The following OR4D10 variants were observed in gnomAD, a reference collection of about 807,000 sequenced individuals.
OR4D10 encodes olfactory receptor family 4 subfamily D member 10.
For missense variants in OR4D10, 395 were observed against 378.0 expected (o/e 1.04, Z -0.37); for synonymous variants, 188 against 153.2 (o/e 1.23, Z -1.68).
At chr11:59,475,144 A>G (rs570225493) in intron 2 of OR4D10, among the ~76,000 whole-genome samples, 2 of 151,936 alleles carry the variant, frequency 1.3e-5, no homozygotes, top group Admixed American at 6.6e-5. Context: ...AGGCTTTCCT[A>G]TCCTGATTAG....
intron 2 of OR4D10, among the ~76,000 whole-genome samples, chr11:59,476,878 T>C (rs1858913912): frequency 6.6e-6 from 1 of 151,488 alleles, no homozygotes; most frequent in Non-Finnish European, 1.5e-5. Context: ...TTTCAAAACT[T>C]CTGTTGGTTC....
At position 59,478,167 on chromosome 11, in the gene OR4D10, G is replaced by T. The variant is rs778589438; in HGVS notation, c.738G>T (p.Val246=). The T allele has an allele frequency of 1.2e-6, 2 of 1,614,038 alleles. No homozygotes were observed. Among genetic ancestry groups the T allele is most frequent in the Admixed American group, 1.7e-5 (1 of 60,014 alleles). ...CCACCTGCACCTCCCACATCACTGT[G>T]GTGACCCTGCATTTCGTGCCCTGCA... The part of the protein sequence containing the change: ...AISTCTSHIT[V]VTLHFVPCIY... The change falls in exon 3 of 3, where the codon GTG becomes GTT. Residue 246 remains valine (V), a synonymous_variant. Transcript: ENST00000530162.
At position 59,477,462 on chromosome 11, in the gene OR4D10, A is replaced by C. The variant is rs1211153837; in HGVS notation, c.33A>C (p.Glu11Asp). MEMENCTRVK[E>D]FIFLGLTQNR... is the part of the protein sequence containing the mutation. ...TGGAAAACTGCACCAGGGTAAAAGAATTTATTTTCCTTGGCCTGACCCAGA... is the reference window on the plus strand; with the variant it reads ...TGGAAAACTGCACCAGGGTAAAAGACTTTATTTTCCTTGGCCTGACCCAGA... Residue 11 changes from glutamate (E) to aspartate (D), a missense_variant, in exon 3 of 3, where the codon GAA becomes GAC. Transcript: ENST00000530162. The C allele has an allele frequency of 6.3e-7, 1 of 1,588,660 alleles. No homozygotes were observed.
rs775351728 is a variant in OR4D10 at position 59,477,854 on chromosome 11, T to C, written c.425T>C (p.Ile142Thr). 3.5e-5 allele frequency: 57 copies of C among 1,614,042 alleles called. No individual in the cohort carries two copies. The South Asian group carries it at 5.3e-4, about 15-fold the overall frequency. ...ACTATCATGAGTAGAGACCATTGCA[T>C]TGGGCTCACAGTGGCTGCCTGGTTG... ...YATIMSRDHC[I>T]GLTVAAWLGG... The change falls in exon 3 of 3, where the codon ATT becomes ACT. Residue 142 changes from isoleucine to threonine, a missense_variant. Coordinates refer to ENST00000530162, the MANE Select transcript of OR4D10 (RefSeq NM_001004705.2).
At position 59,477,765 on chromosome 11, in the gene OR4D10, A is replaced by T. The variant is rs367584794; in HGVS notation, c.336A>T (p.Val112=). 1.4e-5 allele frequency: 22 copies of T among 1,613,662 alleles called. No homozygotes were observed. In the African/African-American group the frequency reaches 2.7e-4, roughly 20 times the overall value. ...FLFHLIGGVD[V]FSLSVMALDR... Reference sequence around the variant, plus strand: ...TCCACCTTATTGGAGGGGTGGATGTATTTTCTCTTTCGGTGATGGCATTGG... The same window carrying T: ...TCCACCTTATTGGAGGGGTGGATGTTTTTTCTCTTTCGGTGATGGCATTGG... Residue 112 remains valine, a synonymous_variant, in exon 3 of 3, where the codon GTA becomes GTT. Transcript: ENST00000530162.
At position 59,477,599 on chromosome 11, in the gene OR4D10, C is replaced by T. The variant is rs142374527; in HGVS notation, c.170C>T (p.Thr57Met). 1.6e-4 allele frequency: 253 copies of T among 1,614,092 alleles called. No individual in the cohort carries two copies. The African/African-American group carries it at 1.7e-3, about 11-fold the overall frequency. The stretch of plus-strand genomic sequence containing the variant: ...GTTACCTGTGAATCTCGCCTTCACA[C>T]GCCCATGTATTTTTTGCTCCATAAT... ...VTVTCESRLH[T>M]PMYFLLHNLS... Residue 57 changes from threonine (T) to methionine (M), a missense_variant, in exon 3 of 3, where the codon ACG becomes ATG. Thr to Met is a moderately conservative substitution (Grantham distance 81, BLOSUM62 -1). Coordinates refer to ENST00000530162, the MANE Select transcript of OR4D10 (RefSeq NM_001004705.2).
rs758354478 is a variant in OR4D10 at position 59,477,608 on chromosome 11, A to T, written c.179A>T (p.Tyr60Phe). The T allele has an allele frequency of 6.2e-7, 1 of 1,613,864 alleles. No individual in the cohort carries two copies. The highest frequency in any genetic ancestry group is 8.5e-7 in the Non-Finnish European group (1 of 1,179,946). Reference protein sequence around the residue: ...TCESRLHTPMYFLLHNLSIAD... With the variant: ...TCESRLHTPMFFLLHNLSIAD... ...GAATCTCGCCTTCACACGCCCATGT[A>T]TTTTTTGCTCCATAATTTATCTATT... Residue 60 changes from tyrosine to phenylalanine, a missense_variant, in exon 3 of 3, where the codon TAT becomes TTT. Physicochemically the swap from Tyr to Phe is conservative, Grantham distance 22. Transcript: ENST00000530162.
In OR4D10 at chr11:59,478,057, T is replaced by A; in HGVS notation, c.628T>A (p.Trp210Arg). 6.2e-7 allele frequency: 1 copy of A among 1,614,176 alleles called. No homozygotes were observed. Among genetic ancestry groups the A allele is most frequent in the Non-Finnish European group, 8.5e-7 (1 of 1,180,030 alleles). ...ISNNGLLTTL[W>R]FFLLLVSYIV... ...CAACAATGGACTGCTCACCACACTG[T>A]GGTTTTTCCTGCTCCTGGTGTCCTA... The change falls in exon 3 of 3, where the codon TGG becomes AGG. Residue 210 changes from tryptophan (W) to arginine (R), a missense_variant. Coordinates refer to ENST00000530162, the MANE Select transcript of OR4D10 (RefSeq NM_001004705.2).
chr11:59,475,076 A>AAAAAAAAAG (rs58045489), intron 2 of OR4D10, among the ~76,000 whole-genome samples: 1 of 134,918 alleles, frequency 7.4e-6, no homozygotes, highest in Non-Finnish European at 1.6e-5. Context: ...AAAAAAAAAA[A>AAAAAAAAAG]GGAAAAAGAA....
At chr11:59,475,979 T>TATGTTGTAACACATGTA (rs1858902151) in intron 2 of OR4D10, among the ~76,000 whole-genome samples, 2 of 152,222 alleles carry the variant, frequency 1.3e-5, no homozygotes, top group African/African-American at 4.8e-5. Context: ...ACAATGATCA[T>TATGTTGTAACACATGTA]ATGTTGTAAC....
intron 2 of OR4D10, among the ~76,000 whole-genome samples, chr11:59,476,414 C>T (rs775590583): frequency 7.2e-5 from 11 of 152,182 alleles, no homozygotes; most frequent in Non-Finnish European, 1.6e-4. Flanking sequence ...CAGGGTCTCA[C>T]TCTGTCACCC....
At position 59,477,827 on chromosome 11, in the gene OR4D10, CGACT is replaced by C; in HGVS notation, c.399_402del (p.Thr134SerfsTer2). ...GCCATCTCCAAGCCCCTGCACTATG[CGACT>C]ATCATGAGTAGAGACCATTGCATTG... On this transcript the variant is annotated frameshift_variant, in exon 3 of 3. Coordinates refer to ENST00000530162, the MANE Select transcript of OR4D10 (RefSeq NM_001004705.2). LOFTEE classifies it low-confidence loss of function (END_TRUNC). 1 of 1,614,096 alleles carries C rather than the reference CGACT, an allele frequency of 6.2e-7. No individual in the cohort carries two copies. The highest frequency in any genetic ancestry group is 8.5e-7 in the Non-Finnish European group (1 of 1,180,012).
At position 59,477,677 on chromosome 11, in the gene OR4D10, T is replaced by C; in HGVS notation, c.248T>C (p.Val83Ala). 1 of 1,614,214 alleles carries C rather than the reference T, an allele frequency of 6.2e-7. No homozygotes were observed. The highest frequency in any genetic ancestry group is 8.5e-7 in the Non-Finnish European group (1 of 1,180,030). The change falls in exon 3 of 3, where the codon GTG becomes GCG. Residue 83 changes from valine (V) to alanine (A), a missense_variant. By Grantham distance (64) the Val-to-Ala change is moderately conservative (BLOSUM62 0). Coordinates refer to ENST00000530162, the MANE Select transcript of OR4D10 (RefSeq NM_001004705.2). ...FSSITVPKVLVDLLSERKTIS... is the reference protein window; with the variant it reads ...FSSITVPKVLADLLSERKTIS... ...TCCATCACAGTGCCCAAGGTTCTGG[T>C]GGACCTTCTGTCTGAAAGAAAGACC...
Position 59,478,566 on chromosome 11 carries a change from C to T in OR4D10, c.*201C>T. ...CCTTCTAATTGAAAATAAACCAGAG[C>T]TCCCTCCTCTTTACCACCAAGATTT... On this transcript the variant is annotated 3_prime_UTR_variant, in exon 3 of 3. Coordinates refer to ENST00000530162, the MANE Select transcript of OR4D10 (RefSeq NM_001004705.2). 1 of 410,038 alleles carries T rather than the reference C, an allele frequency of 2.4e-6. No homozygotes were observed. Among genetic ancestry groups the T allele is most frequent in the South Asian group, 9.1e-5 (1 of 11,028 alleles). The allele number at this position is 410,038 out of a possible 1,614,324, so 25.4% of individuals were successfully genotyped here.
intron 2 of OR4D10, among the ~76,000 whole-genome samples, chr11:59,474,814 T>G (rs1045024318): frequency 6.6e-6 from 1 of 151,780 alleles, no homozygotes; most frequent in Non-Finnish European, 1.5e-5. Context: ...CTCAGCACTT[T>G]GGGAGGCCGA....
rs368238940 is a variant in OR4D10 at position 59,477,910 on chromosome 11, T to A, written c.481T>A (p.Ser161Thr). ...CTTTGTCCACTCCATCGTGCAGATTTCCCTGTTGCTCCCACTCCCTTTCTG... is the reference window on the plus strand; with the variant it reads ...CTTTGTCCACTCCATCGTGCAGATTACCCTGTTGCTCCCACTCCCTTTCTG... ...GGFVHSIVQI[S>T]LLLPLPFCGP... The change falls in exon 3 of 3, where the codon TCC becomes ACC. Residue 161 changes from serine to threonine, a missense_variant. Physicochemically the swap from Ser to Thr is moderately conservative, Grantham distance 58. Coordinates refer to ENST00000530162, the MANE Select transcript of OR4D10 (RefSeq NM_001004705.2). 12 of 1,614,048 alleles carry A rather than the reference T, an allele frequency of 7.4e-6. No individual in the cohort carries two copies. The highest frequency in any genetic ancestry group is 2.2e-5 in the East Asian group (1 of 44,898).
intron 2 of OR4D10, among the ~76,000 whole-genome samples, chr11:59,474,351 T>G (rs1277883414): frequency 6.6e-6 from 1 of 152,248 alleles, no homozygotes; most frequent in Non-Finnish European, 1.5e-5. Context: ...TTCACTTATT[T>G]GCACAAATCT....
At chr11:59,476,156 A>G (rs2134558782) in intron 2 of OR4D10, among the ~76,000 whole-genome samples, 1 of 152,344 alleles carries the variant, frequency 6.6e-6, no homozygotes, top group East Asian at 1.9e-4. Context: ...GGAATACATA[A>G]GAGAATAATT....
rs1858919834 is a variant in OR4D10, at chr11:59,477,496, G to T, written c.67G>T (p.Val23Leu). Residue 23 changes from valine (V) to leucine (L), a missense_variant, in exon 3 of 3, where the codon GTG becomes TTG. By Grantham distance (32) the Val-to-Leu change is conservative (BLOSUM62 1). Coordinates refer to ENST00000530162, the MANE Select transcript of OR4D10 (RefSeq NM_001004705.2). ...CCTTGGCCTGACCCAGAATCGGGAAGTGAGCTTAGTCTTATTTCTTTTCCT... is the reference window on the plus strand; with the variant it reads ...CCTTGGCCTGACCCAGAATCGGGAATTGAGCTTAGTCTTATTTCTTTTCCT... ...IFLGLTQNRE[V>L]SLVLFLFLLL... is the part of the protein sequence containing the mutation. 2 of 1,612,232 alleles carry T rather than the reference G, an allele frequency of 1.2e-6. No homozygotes were observed. The highest frequency in any genetic ancestry group is 1.3e-5 in the African/African-American group (1 of 74,984).
Sources: allele counts gnomAD v4.1 joint callset (sites outside exome capture counted in the v4.1 genomes callset), GRCh38; gene constraint gnomAD v4.1.1; transcripts MANE v1.5; gene names NCBI Gene and HGNC (gene_info 2026-07-23, HGNC 2026-07-21).